The following CUX2 variants were observed in gnomAD, a reference collection of about 807,000 sequenced individuals.
CUX2 encodes homeobox protein cut-like 2.
Under a neutral mutation model 144.8 loss-of-function variants are expected in CUX2, and 40 were observed. The observed-to-expected ratio is 0.28, with a 90% CI of 0.21 to 0.36. CUX2 has a LOEUF of 0.36. Ranked by LOEUF, CUX2 falls within the 10% of genes least tolerant of loss-of-function variation. The probability of loss-of-function intolerance (pLI) is 1.00; values close to 1 mark genes in which losing one functional copy is unlikely to be tolerated. For synonymous variants in CUX2, 827 were observed against 875.6 expected (o/e 0.94, Z 0.98); for missense variants, 1,615 against 1,994.0 (o/e 0.81, Z 3.62).
chr12:111,308,727 G>A (rs1158497151), intron 14 of CUX2, among the ~76,000 whole-genome samples: 1 of 152,216 alleles, frequency 6.6e-6, no homozygotes, highest in East Asian at 1.9e-4. Context: ...GGGTCACACA[G>A]CTGGTTTGGG....
chr12:111,341,489 AC>A (rs1888572314), intron 20 of CUX2, among the ~76,000 whole-genome samples: 1 of 152,072 alleles, frequency 6.6e-6, no homozygotes, highest in Admixed American at 6.6e-5. Flanking sequence ...ACTGTAGAGC[AC>A]CCTGTTTCAA....
At chr12:111,239,792 G>A (rs1266208996) in intron 3 of CUX2, among the ~76,000 whole-genome samples, 3 of 152,194 alleles carry the variant, frequency 2.0e-5, no homozygotes, top group Non-Finnish European at 2.9e-5. Context: ...TGGGCCATCA[G>A]GAGTAAGTGC....
intron 4 of CUX2, among the ~76,000 whole-genome samples, chr12:111,280,912 TG>T (rs1885091271): frequency 6.6e-6 from 1 of 152,168 alleles, no homozygotes; most frequent in African/African-American, 2.4e-5. Context: ...CACATGAACT[TG>T]GGGAAACACT....
rs909730725 is a variant in CUX2 at position 111,078,314 on chromosome 12, T to C, written c.63+44074T>C. On this transcript the variant is annotated intron_variant, in intron 1 of 21. Coordinates refer to ENST00000261726, the MANE Select transcript of CUX2 (RefSeq NM_015267.4). ...AAAGTGTTCAATCACTAAGGCATGCTGAGCATTGGGAGGAAGCAGAGAGGA... is the reference window on the plus strand; with the variant it reads ...AAAGTGTTCAATCACTAAGGCATGCCGAGCATTGGGAGGAAGCAGAGAGGA... 3.9e-5 allele frequency among the ~76,000 whole-genome samples: 6 copies of C among 152,088 alleles called. No homozygotes were observed. In the East Asian group the frequency reaches 1.2e-3, roughly 29 times the overall value.
intron 1 of CUX2, among the ~76,000 whole-genome samples, chr12:111,056,849 G>A (rs1053872687): frequency 2.0e-5 from 3 of 152,238 alleles, no homozygotes; most frequent in Admixed American, 1.3e-4. Flanking sequence ...GTTGTGACAG[G>A]CTGTAAAGGG....
intron 1 of CUX2, among the ~76,000 whole-genome samples, chr12:111,102,366 G>T (rs182815754): frequency 1.3e-5 from 2 of 152,222 alleles, no homozygotes; most frequent in Non-Finnish European, 2.9e-5. Context: ...GGCTTGTGGC[G>T]GTTGTGGGCA....
intron 1 of CUX2, among the ~76,000 whole-genome samples, chr12:111,174,270 A>G (rs1878711374): frequency 6.6e-6 from 1 of 152,206 alleles, no homozygotes; most frequent in Non-Finnish European, 1.5e-5. Flanking sequence ...CCAGGCAGGA[A>G]TTGGCAGTGA....
chr12:111,286,876 T>C (rs1463902001), intron 4 of CUX2, among the ~76,000 whole-genome samples: 2 of 152,014 alleles, frequency 1.3e-5, no homozygotes, highest in Non-Finnish European at 2.9e-5. Flanking sequence ...CTCTAAATAA[T>C]AACAATAATA....
chr12:111,071,166 A>C (rs953740191), intron 1 of CUX2, among the ~76,000 whole-genome samples: 3 of 151,628 alleles, frequency 2.0e-5, no homozygotes, highest in Non-Finnish European at 4.4e-5. Flanking sequence ...TCATATGGTA[A>C]GAGTATGCTT....
At chr12:111,151,613 A>G (rs1047802514) in intron 1 of CUX2, among the ~76,000 whole-genome samples, 1 of 152,140 alleles carries the variant, frequency 6.6e-6, no homozygotes, top group Non-Finnish European at 1.5e-5. Flanking sequence ...GAGGAAGACG[A>G]CTGACGCTTG....
rs12811133 is a variant in CUX2 at position 111,160,779 on chromosome 12, G to A, written c.64-53421G>A. 3.3e-5 allele frequency among the ~76,000 whole-genome samples: 5 copies of A among 152,158 alleles called. No homozygotes were observed. Among genetic ancestry groups the A allele is most frequent in the Non-Finnish European group, 7.4e-5 (5 of 68,026 alleles). On this transcript the variant is annotated intron_variant, in intron 1 of 21. Transcript: ENST00000261726. The surrounding 1 kb of genome is among the most constrained non-coding windows in gnomAD (Gnocchi z 4.1). ...AGAAGATGGCTTGGACTTGGCCTTAGGAGTGGGGCTGATGGGGCTTGCGGT... is the reference window on the plus strand; with the variant it reads ...AGAAGATGGCTTGGACTTGGCCTTAAGAGTGGGGCTGATGGGGCTTGCGGT...
intron 6 of CUX2, among the ~76,000 whole-genome samples, chr12:111,294,801 G>A (rs1409550198): frequency 6.6e-6 from 1 of 152,008 alleles, no homozygotes; most frequent in Non-Finnish European, 1.5e-5. Context: ...AGGAGGTTTA[G>A]GCGGGAGAAT....
intron 1 of CUX2, among the ~76,000 whole-genome samples, chr12:111,140,447 G>T (rs1026473561): frequency 2.0e-5 from 3 of 152,192 alleles, no homozygotes; most frequent in African/African-American, 7.2e-5. Context: ...ACCCCCTCTT[G>T]ATCTAGGAAT....
intron 1 of CUX2, among the ~76,000 whole-genome samples, chr12:111,110,647 C>T (rs915625032): frequency 2.0e-5 from 3 of 152,188 alleles, no homozygotes; most frequent in Non-Finnish European, 4.4e-5. Context: ...ATTTATTAAC[C>T]TTTGTTGAAA....
chr12:111,314,508 G>A (rs759872687), intron 16 of CUX2, among the ~76,000 whole-genome samples: 1 of 152,046 alleles, frequency 6.6e-6, no homozygotes, highest in Non-Finnish European at 1.5e-5. Context: ...GGGCATGGTG[G>A]TAGGTGCCTG....
chr12:111,292,500 G>C (rs1885744014), intron 5 of CUX2, among the ~76,000 whole-genome samples: 1 of 152,210 alleles, frequency 6.6e-6, no homozygotes, highest in Non-Finnish European at 1.5e-5. Flanking sequence ...TTAGGCAGGA[G>C]AATTGCCTGA....
At chr12:111,172,106 CA>C (rs547291127) in intron 1 of CUX2, among the ~76,000 whole-genome samples, 13 of 150,744 alleles carry the variant, frequency 8.6e-5, no homozygotes, top group Non-Finnish European at 1.8e-4. Flanking sequence ...TCTGCGTGTG[CA>C]TATGCTTGTG....
intron 9 of CUX2, among the ~76,000 whole-genome samples, chr12:111,300,906 T>A (rs2136350615): frequency 6.6e-6 from 1 of 152,042 alleles, no homozygotes; most frequent in Admixed American, 6.6e-5. Context: ...GGCATGGTGG[T>A]GTACGCCTGT....
chr12:111,138,775 C>T (rs1876100301), intron 1 of CUX2, among the ~76,000 whole-genome samples: 1 of 152,096 alleles, frequency 6.6e-6, no homozygotes, highest in African/African-American at 2.4e-5. Flanking sequence ...ACCCTAGGGG[C>T]AGCCCACAGC....
Sources: allele counts gnomAD v4.1 joint callset (sites outside exome capture counted in the v4.1 genomes callset), GRCh38; gene constraint gnomAD v4.1.1; non-coding constraint Gnocchi (gnomAD v3.1); transcripts MANE v1.5; gene names NCBI Gene and HGNC (gene_info 2026-07-23, HGNC 2026-07-21).